Variants in SHCBP1L observed in about 807,000 individuals in gnomAD.
The protein encoded by SHCBP1L is testicular spindle-associated protein SHCBP1L.
A neutral mutation model predicts 62.5 loss-of-function variants in SHCBP1L; 67 were observed. The ratio of observed to expected loss-of-function variants is 1.07; its 90% CI spans 0.88 to 1.31. The LOEUF is 1.31. SHCBP1L is among the 40% of genes most tolerant of loss of function. SHCBP1L has a pLI of 0.00. For synonymous variants in SHCBP1L, 284 were observed against 289.4 expected (o/e 0.98, Z 0.19); for missense variants, 823 against 809.8 (o/e 1.02, Z -0.20).
chr1:182,908,147 T>G (rs1650073498), intron 6 of SHCBP1L, among the ~76,000 whole-genome samples: 1 of 146,834 alleles, frequency 6.8e-6, no homozygotes, highest in South Asian at 2.2e-4. Context: ...TTTTTAATGA[T>G]TAAAGTTTCA....
At chr1:182,933,217 T>C (rs1049441145) in intron 5 of SHCBP1L, among the ~76,000 whole-genome samples, 4 of 152,146 alleles carry the variant, frequency 2.6e-5, no homozygotes, top group Admixed American at 1.3e-4. Context: ...AATTTACTTC[T>C]TTATATTGCT....
At chr1:182,940,713 A>G (rs1651334254) in intron 2 of SHCBP1L, among the ~76,000 whole-genome samples, 170 bp from the exon 3 acceptor site, 1 of 152,232 alleles carries the variant, frequency 6.6e-6, no homozygotes. Flanking sequence ...TACTACCAAT[A>G]GTTTTACAAA....
intron 6 of SHCBP1L, among the ~76,000 whole-genome samples, chr1:182,922,223 C>A (rs529207905): frequency 6.6e-6 from 1 of 152,198 alleles, no homozygotes; most frequent in African/African-American, 2.4e-5. Context: ...ACCCCACTGA[C>A]AGTATTAGAC....
intron 6 of SHCBP1L, among the ~76,000 whole-genome samples, chr1:182,922,884 G>A (rs1650567224): frequency 6.6e-6 from 1 of 151,970 alleles, no homozygotes; most frequent in South Asian, 2.1e-4. Context: ...GCTAGAAGAA[G>A]AAAAATAACC....
chr1:182,949,827 CTTT>C (rs1193224921), intron 2 of SHCBP1L, among the ~76,000 whole-genome samples: 5 of 136,886 alleles, frequency 3.7e-5, no homozygotes, highest in Non-Finnish European at 4.7e-5. Flanking sequence ...ATATGGTATT[CTTT>C]TTTTTTTTTT....
intron 6 of SHCBP1L, among the ~76,000 whole-genome samples, chr1:182,915,678 C>CT (rs1326271870): frequency 6.6e-6 from 1 of 152,026 alleles, no homozygotes; most frequent in Non-Finnish European, 1.5e-5. Context: ...CAAGATATAC[C>CT]ATCTATTAGG....
At chr1:182,944,041 A>T (rs1223057556) in intron 2 of SHCBP1L, among the ~76,000 whole-genome samples, 3 of 151,376 alleles carry the variant, frequency 2.0e-5, no homozygotes, top group African/African-American at 7.3e-5. Context: ...GAATAGCTTG[A>T]ACCTGGGAGG....
At chr1:182,929,594 C>T (rs1372961986) in intron 6 of SHCBP1L, 53 bp downstream of exon 6, 13 of 1,231,620 alleles carry the variant, frequency 1.1e-5, no homozygotes, top group South Asian at 3.2e-5. Context: ...GCTTCTTTTC[C>T]GATTATACAC....
At chr1:182,928,579 C>T (rs966497964) in intron 6 of SHCBP1L, among the ~76,000 whole-genome samples, 2 of 152,050 alleles carry the variant, frequency 1.3e-5, no homozygotes, top group Non-Finnish European at 2.9e-5. Flanking sequence ...AACAACACAG[C>T]TTATCCCAGG....
At position 182,944,789 on chromosome 1, in the gene SHCBP1L, A is replaced by G. The variant is rs572392299; in HGVS notation, c.556-4246T>C. Among the ~76,000 whole-genome samples the G allele has an allele frequency of 2.6e-4, 40 of 152,088 alleles. No individual in the cohort carries two copies. The South Asian group carries it at 3.5e-3, about 13-fold the overall frequency. Reference sequence around the variant, plus strand: ...CTCTTTCCTGGCCTTTCATTCACCAATATGGTTATATCTTAAGTATTCAGC... The same window carrying G: ...CTCTTTCCTGGCCTTTCATTCACCAGTATGGTTATATCTTAAGTATTCAGC... On this transcript the variant is annotated intron_variant, in intron 2 of 9. Coordinates refer to ENST00000367547, the MANE Select transcript of SHCBP1L (RefSeq NM_030933.4).
chr1:182,912,584 G>T (rs757363178), intron 6 of SHCBP1L, among the ~76,000 whole-genome samples: 1 of 151,724 alleles, frequency 6.6e-6, no homozygotes, highest in South Asian at 2.1e-4. Flanking sequence ...GTGCAGTGGC[G>T]CAATCTCGGT....
chr1:182,914,815 C>T (rs1650300783), intron 6 of SHCBP1L, among the ~76,000 whole-genome samples: 1 of 151,866 alleles, frequency 6.6e-6, no homozygotes. Context: ...TTAAGATCAC[C>T]AATTAAAAAA....
At chr1:182,924,983 AG>A (rs1557997260) in intron 6 of SHCBP1L, among the ~76,000 whole-genome samples, 19 of 145,048 alleles carry the variant, frequency 1.3e-4, no homozygotes, top group African/African-American at 4.5e-4. Context: ...AGAAAAAAAA[AG>A]GAAGAAGGAA....
chr1:182,899,948 GTGAAATATAAAACTTTAACATC>G lies in SHCBP1L; in HGVS notation c.*13_*34del. ...TGAGAATCATGTATTAAACAAATTT[GTGAAATATAAAACTTTAACATC>G]AATTCAGACGCTTTAACTTGTGACT... On this transcript the variant is annotated 3_prime_UTR_variant, in exon 10 of 10. Transcript: ENST00000367547. 1 of 1,525,004 alleles carries G rather than the reference GTGAAATATAAAACTTTAACATC, an allele frequency of 6.6e-7. No homozygotes were observed. Among genetic ancestry groups the G allele is most frequent in the Non-Finnish European group, 8.8e-7 (1 of 1,137,094 alleles). The allele number at this position is 1,525,004 out of a possible 1,614,324, so 94.5% of individuals were successfully genotyped here. A position where few individuals can be genotyped will look rare whatever the true frequency, so the allele number is the denominator to read the frequency against.
chr1:182,949,169 G>A (rs1473602944), intron 2 of SHCBP1L, among the ~76,000 whole-genome samples: 1 of 151,930 alleles, frequency 6.6e-6, no homozygotes, highest in Non-Finnish European at 1.5e-5. Context: ...CTATCATGAG[G>A]TATGGAGAGA....
intron 6 of SHCBP1L, among the ~76,000 whole-genome samples, chr1:182,909,020 G>A (rs945685232): frequency 1.3e-5 from 2 of 152,124 alleles, no homozygotes; most frequent in South Asian, 4.1e-4. Flanking sequence ...TACTAAATCA[G>A]CAACCTACAA....
intron 3 of SHCBP1L, 133 bp from the exon 4 acceptor site, chr1:182,939,686 G>C (rs1044323070): frequency 9.1e-6 from 6 of 661,286 alleles, no homozygotes; most frequent in African/African-American, 3.7e-5. Flanking sequence ...AATGACCTTT[G>C]AGTGAACTAA....
chr1:182,947,667 T>C (rs539658264), intron 2 of SHCBP1L, among the ~76,000 whole-genome samples: 1 of 152,306 alleles, frequency 6.6e-6, no homozygotes, highest in South Asian at 2.1e-4. Flanking sequence ...ACAACAGAAA[T>C]GAAGATCTTT....
chr1:182,941,043 A>C (rs1202699116), intron 2 of SHCBP1L, among the ~76,000 whole-genome samples: 1 of 152,068 alleles, frequency 6.6e-6, no homozygotes, highest in Non-Finnish European at 1.5e-5. Context: ...TTTTCAACAA[A>C]TTTTGCCATA....
Sources: gnomAD v4.1 joint callset for allele counts (sites outside exome capture counted in the v4.1 genomes callset) on GRCh38, gnomAD v4.1.1 for gene constraint, MANE v1.5 for transcripts, NCBI Gene and HGNC (gene_info 2026-07-23, HGNC 2026-07-21) for gene names.